PDE4D: variants seen among roughly 807,000 people sequenced by gnomAD.
PDE4D encodes the protein phosphodiesterase 4D.
Under a neutral mutation model 87.4 loss-of-function variants are expected in PDE4D, and 24 were observed. That is an observed-to-expected ratio of 0.27 (90% confidence interval 0.20 to 0.39). The LOEUF (loss-of-function observed/expected upper bound fraction) is 0.39. Ranked by LOEUF, PDE4D falls within the 10% of genes least tolerant of loss-of-function variation. The probability of loss-of-function intolerance (pLI) is 1.00; values close to 1 mark genes in which losing one functional copy is unlikely to be tolerated. For missense variants in PDE4D, 714 were observed against 1,041.0 expected (o/e 0.69, Z 4.32); for synonymous variants, 384 against 383.2 (o/e 1.00, Z -0.02).
intron 1 of PDE4D, among the ~76,000 whole-genome samples, chr5:60,292,775 G>T (rs1183453114): frequency 6.6e-6 from 1 of 152,152 alleles, no homozygotes; most frequent in Non-Finnish European, 1.5e-5. Flanking sequence ...GACTGGTACT[G>T]TCAACGAATT....
At chr5:59,807,478 G>A (rs1414935374) in intron 1 of PDE4D, among the ~76,000 whole-genome samples, 1 of 152,258 alleles carries the variant, frequency 6.6e-6, no homozygotes. Flanking sequence ...GGGCCAAAAC[G>A]CAGGCACCTG....
intron 1 of PDE4D, among the ~76,000 whole-genome samples, chr5:60,518,785 AT>A (rs1378523551): frequency 1.3e-5 from 2 of 152,214 alleles, no homozygotes; most frequent in African/African-American, 4.8e-5. Context: ...CAGGACACTA[AT>A]GCACAACCCA....
At chr5:59,949,151 G>A (rs950998912) in intron 3 of PDE4D, among the ~76,000 whole-genome samples, 2 of 152,240 alleles carry the variant, frequency 1.3e-5, no homozygotes, top group African/African-American at 4.8e-5. Flanking sequence ...TATATGATAG[G>A]CTGGGCGCGG....
Position 60,451,331 on chromosome 5 carries a change from G to A in PDE4D, c.-90+36611C>T, listed in dbSNP as rs542555230. On this transcript the variant is annotated intron_variant, in intron 1 of 16. Transcript: ENST00000502484. ...ACACAATGTATAATGATCAAGTCAG[G>A]AAAATTGGGATATCCATCAGCTCAA... Among the ~76,000 whole-genome samples the A allele has an allele frequency of 4.6e-5, 7 of 152,182 alleles. No individual in the cohort carries two copies. The South Asian group carries it at 1.5e-3, about 32-fold the overall frequency.
At chr5:59,701,733 C>T (rs1226451485) in intron 1 of PDE4D, among the ~76,000 whole-genome samples, 3 of 152,200 alleles carry the variant, frequency 2.0e-5, no homozygotes, top group Admixed American at 6.5e-5. Context: ...GACAAGAAGG[C>T]TGTGTGGTGC....
rs939501879 is a variant in PDE4D, at chr5:59,420,093, T to C, written c.456-204125A>G. Among the ~76,000 whole-genome samples, 5 of 152,228 alleles carry C rather than the reference T, an allele frequency of 3.3e-5. No individual in the cohort carries two copies. The East Asian group carries it at 9.6e-4, about 29-fold the overall frequency. On this transcript the variant is annotated intron_variant, in intron 1 of 14. Transcript: ENST00000340635. ...TCTCTCCCATTTTACTTAGCACGTG[T>C]ATTTGAATTTGCATCGGTAAGTCCT...
intron 1 of PDE4D, among the ~76,000 whole-genome samples, chr5:60,197,338 T>G (rs553722476): frequency 6.6e-6 from 1 of 151,680 alleles, no homozygotes; most frequent in Non-Finnish European, 1.5e-5. Context: ...CTTTGGTTCT[T>G]TAGTTGCTTT....
chr5:59,760,626 G>C (rs1761852521), intron 1 of PDE4D, among the ~76,000 whole-genome samples: 1 of 152,024 alleles, frequency 6.6e-6, no homozygotes, highest in South Asian at 2.1e-4. Flanking sequence ...ACTTATATTA[G>C]AAAACTGTAT....
intron 1 of PDE4D, among the ~76,000 whole-genome samples, chr5:59,378,604 T>C (rs1420956630): frequency 2.6e-5 from 4 of 152,200 alleles, no homozygotes; most frequent in African/African-American, 9.7e-5. Context: ...GCTTATACTA[T>C]GTTCACCCTT....
intron 1 of PDE4D, among the ~76,000 whole-genome samples, chr5:59,506,603 A>T (rs925686383): frequency 1.1e-4 from 16 of 152,176 alleles, no homozygotes; most frequent in African/African-American, 3.9e-4. Context: ...ATGATATTTT[A>T]TACAATAATT....
At chr5:59,381,458 A>G (rs1052464165) in intron 1 of PDE4D, among the ~76,000 whole-genome samples, 1 of 151,756 alleles carries the variant, frequency 6.6e-6, no homozygotes, top group Non-Finnish European at 1.5e-5. Flanking sequence ...ATTAATAATA[A>G]TATTTGCAAT....
intron 2 of PDE4D, among the ~76,000 whole-genome samples, chr5:60,172,805 C>T (rs1394355238): frequency 6.6e-6 from 1 of 152,082 alleles, no homozygotes; most frequent in East Asian, 1.9e-4. Flanking sequence ...TATTCACTTA[C>T]CAGAGTCCTC....
chr5:60,227,233 A>T (rs115304897), intron 1 of PDE4D, among the ~76,000 whole-genome samples: 127 of 152,246 alleles, frequency 8.3e-4, no homozygotes, highest in Middle Eastern at 3.4e-3. Flanking sequence ...TTATTAAATA[A>T]CATAACATAG....
rs1373495274 is a variant in PDE4D at position 60,443,203 on chromosome 5, G to A, written c.-90+44739C>T. On this transcript the variant is annotated intron_variant, in intron 1 of 16. Coordinates refer to the PDE4D transcript ENST00000502484. ...GACTTTTTAATAATTTGGAGACTGAGAGAAGAAACCAGGTAATAAAGATTT... is the reference window on the plus strand; with the variant it reads ...GACTTTTTAATAATTTGGAGACTGAAAGAAGAAACCAGGTAATAAAGATTT... Among the ~76,000 whole-genome samples the A allele has an allele frequency of 3.3e-5, 5 of 152,272 alleles. No individual in the cohort carries two copies. In the East Asian group the frequency reaches 7.7e-4, roughly 24 times the overall value.
At chr5:58,983,192 C>A (rs899638519) in intron 11 of PDE4D, among the ~76,000 whole-genome samples, 15 of 152,268 alleles carry the variant, frequency 9.9e-5, no homozygotes, top group Non-Finnish European at 1.9e-4. Context: ...CAGCTGTATA[C>A]TTCCGGTGGT....
At chr5:59,665,895 G>A (rs1745999390) in intron 1 of PDE4D, among the ~76,000 whole-genome samples, 1 of 152,148 alleles carries the variant, frequency 6.6e-6, no homozygotes, top group African/African-American at 2.4e-5. Context: ...TCTGTAGCAT[G>A]CTGACTTTGG....
chr5:59,731,830 A>T (rs1229980625), intron 1 of PDE4D, among the ~76,000 whole-genome samples: 3 of 152,212 alleles, frequency 2.0e-5, no homozygotes, highest in Non-Finnish European at 4.4e-5. Context: ...AAAAAAGCAG[A>T]TATTTGTAAG....
chr5:59,471,234 G>C (rs1039933242), intron 1 of PDE4D, among the ~76,000 whole-genome samples: 2 of 152,144 alleles, frequency 1.3e-5, no homozygotes, highest in Admixed American at 6.6e-5. Context: ...AATAGAGTGA[G>C]GCCCTGTCTC....
chr5:59,745,495 A>G (rs566134023), intron 1 of PDE4D, among the ~76,000 whole-genome samples: 1 of 152,288 alleles, frequency 6.6e-6, no homozygotes, highest in African/African-American at 2.4e-5. Context: ...GTCAGCTGGG[A>G]GTGACAGGCA....
Sources: gnomAD v4.1 joint callset for allele counts (sites outside exome capture counted in the v4.1 genomes callset) on GRCh38, gnomAD v4.1.1 for gene constraint, MANE v1.5 for transcripts, NCBI Gene and HGNC (gene_info 2026-07-23, HGNC 2026-07-21) for gene names.